RBM20: variants seen among roughly 807,000 people sequenced by gnomAD.
RBM20 encodes the protein RNA-binding protein 20.
Under a neutral mutation model 110.1 loss-of-function variants are expected in RBM20, and 51 were observed. The observed-to-expected ratio is 0.46, with a 90% CI of 0.37 to 0.59. The LOEUF is 0.59. RBM20 is among the 20% of genes least tolerant of loss of function. The pLI, the probability that RBM20 is intolerant of heterozygous loss-of-function variation, is 0.00. For missense variants in RBM20, 1,512 were observed against 1,574.9 expected (o/e 0.96, Z 0.68); for synonymous variants, 589 against 618.2 (o/e 0.95, Z 0.70).
chr10:110,814,747 G>A (rs372551489), intron 9 of RBM20, among the ~76,000 whole-genome samples: 149 of 152,276 alleles, frequency 9.8e-4, no homozygotes, highest in Middle Eastern at 6.8e-3. Flanking sequence ...TCCTGCCTTG[G>A]CCTCCCAAAG....
chr10:110,801,513 G>A (rs1844623437), intron 7 of RBM20, among the ~76,000 whole-genome samples: 2 of 152,116 alleles, frequency 1.3e-5, no homozygotes, highest in South Asian at 4.2e-4. Flanking sequence ...TGTCGTGGGA[G>A]AGTATCATGG....
intron 1 of RBM20, among the ~76,000 whole-genome samples, chr10:110,727,526 T>C (rs934669511): frequency 2.0e-5 from 3 of 152,166 alleles, no homozygotes; most frequent in Admixed American, 6.5e-5. Flanking sequence ...CTATTCTGTT[T>C]TAGTTGTCTG....
At chr10:110,737,732 T>TA (rs1843687122) in intron 1 of RBM20, among the ~76,000 whole-genome samples, 1 of 152,118 alleles carries the variant, frequency 6.6e-6, no homozygotes, top group South Asian at 2.1e-4. Flanking sequence ...TTGTAGCAAA[T>TA]AATTATACCT....
At chr10:110,751,161 A>T (rs1843848494) in intron 1 of RBM20, among the ~76,000 whole-genome samples, 1 of 152,192 alleles carries the variant, frequency 6.6e-6, no homozygotes. Context: ...CCATCATCTT[A>T]AGTAATTTGT....
At chr10:110,758,660 T>C (rs931034809) in intron 1 of RBM20, among the ~76,000 whole-genome samples, 1 of 152,182 alleles carries the variant, frequency 6.6e-6, no homozygotes, top group African/African-American at 2.4e-5. Flanking sequence ...ATATGTGCTG[T>C]CTAGCATGAT....
intron 1 of RBM20, among the ~76,000 whole-genome samples, chr10:110,700,711 G>A (rs775411853): frequency 1.3e-5 from 2 of 152,096 alleles, no homozygotes; most frequent in African/African-American, 4.8e-5. Flanking sequence ...AATGGGATGG[G>A]CAACAAATAA....
chr10:110,767,235 C>T (rs565307048), intron 1 of RBM20, among the ~76,000 whole-genome samples: 32 of 139,442 alleles, frequency 2.3e-4, no homozygotes, highest in African/African-American at 7.6e-4. Context: ...ACCTCCCTCC[C>T]GGACGGGGTG....
At chr10:110,815,246 AC>A (rs1434146376) in intron 9 of RBM20, among the ~76,000 whole-genome samples, 5 of 152,364 alleles carry the variant, frequency 3.3e-5, no homozygotes, top group African/African-American at 9.6e-5. Flanking sequence ...AAAGGTGCAG[AC>A]TTCTATAGAA....
At chr10:110,671,660 C>T (rs751354890) in intron 1 of RBM20, among the ~76,000 whole-genome samples, 3 of 151,882 alleles carry the variant, frequency 2.0e-5, no homozygotes, top group East Asian at 1.9e-4. Context: ...ATTGTGCGCT[C>T]GTGAAACAAA....
chr10:110,711,315 G>C (rs935434750), intron 1 of RBM20, among the ~76,000 whole-genome samples: 1 of 120,422 alleles, frequency 8.3e-6, no homozygotes, highest in South Asian at 3.1e-4. Context: ...GGGAGACAGA[G>C]TGAGACTCCA....
chr10:110,653,307 C>T lies in RBM20; in HGVS notation c.191+8662C>T, dbSNP rs560541413. On this transcript the variant is annotated intron_variant, in intron 1 of 13. Coordinates refer to ENST00000369519, the MANE Select transcript of RBM20 (RefSeq NM_001134363.3). Reference sequence around the variant, plus strand: ...GTTTCAACCAAGGATATAATTTGGACTGTATTTTTAAAAAGTAAACCTTGC... The same window carrying T: ...GTTTCAACCAAGGATATAATTTGGATTGTATTTTTAAAAAGTAAACCTTGC... Among the ~76,000 whole-genome samples the T allele has an allele frequency of 6.6e-5, 10 of 152,290 alleles. No individual in the cohort carries two copies. The South Asian group carries it at 8.3e-4, about 13-fold the overall frequency.
chr10:110,756,392 A>G (rs1843921324), intron 1 of RBM20: 1 of 152,262 alleles, frequency 6.6e-6, no homozygotes, highest in African/African-American at 2.4e-5. Context: ...GTCTTTTCCT[A>G]TACAGAGAAC....
intron 1 of RBM20, among the ~76,000 whole-genome samples, chr10:110,773,818 T>C (rs895596825): frequency 2.0e-5 from 3 of 152,160 alleles, no homozygotes; most frequent in Admixed American, 1.3e-4. Context: ...AGCTGCCCCA[T>C]TGTGACTGCA....
intron 12 of RBM20, among the ~76,000 whole-genome samples, chr10:110,830,458 AAAAG>A (rs1350999178): frequency 2.0e-5 from 3 of 152,224 alleles, no homozygotes; most frequent in African/African-American, 7.2e-5. Flanking sequence ...TTTCACGAAA[AAAAG>A]AGGACAGAGA....
In RBM20 at chr10:110,812,457, A is replaced by G. The variant is rs1051836531; in HGVS notation, c.2060A>G (p.Glu687Gly). Residue 687 changes from glutamate to glycine, a missense_variant, in exon 9 of 14, where the codon GAG (glutamate) becomes GGG (glycine). By Grantham distance (98) the Glu-to-Gly change is moderately conservative. Around this residue, in one of 3 missense-constraint regions of RBM20, gnomAD observed 1,149 missense variants for 1,169.4 expected, o/e 0.98. Coordinates refer to ENST00000369519, the MANE Select transcript of RBM20 (RefSeq NM_001134363.3). ...EHSPYARREEERDPAPWRDNG... is the reference protein window; with the variant it reads ...EHSPYARREEGRDPAPWRDNG... ...TCTCCCTATGCCAGGAGGGAGGAAG[A>G]GCGAGACCCGGCTCCCTGGAGGGAC... The G allele has an allele frequency of 1.1e-5, 17 of 1,551,644 alleles. No individual in the cohort carries two copies. Among genetic ancestry groups the G allele is most frequent in the Non-Finnish European group, 1.4e-5 (16 of 1,146,974 alleles).
chr10:110,737,177 C>CAAAAAAAAAAAAAA (rs550138775), intron 1 of RBM20, among the ~76,000 whole-genome samples: 12 of 26,612 alleles, frequency 4.5e-4, no homozygotes, highest in African/African-American at 1.3e-3. Context: ...AACTCTGCCT[C>CAAAAAAAAAAAAAA]AAAAAAAAAA....
rs1844598396 is a variant in RBM20 at position 110,799,817 on chromosome 10, G to A, written c.1699G>A (p.Ala567Thr). ...AFLEMAYTEA[A>T]QAMVQYYQEK... ...TTTAGAGATGGCTTACACAGAAGCTGCACAGGCCATGGTCCAGTATTATCA... is the reference window on the plus strand; with the variant it reads ...TTTAGAGATGGCTTACACAGAAGCTACACAGGCCATGGTCCAGTATTATCA... Residue 567 changes from alanine (A) to threonine (T), a missense_variant, in exon 7 of 14, where the codon GCA becomes ACA. Ala to Thr is a moderately conservative substitution (Grantham distance 58). Around this residue, in one of 3 missense-constraint regions of RBM20, gnomAD observed 1,149 missense variants for 1,169.4 expected, o/e 0.98. Coordinates refer to ENST00000369519, the MANE Select transcript of RBM20 (RefSeq NM_001134363.3). The A allele has an allele frequency of 5.2e-6, 8 of 1,551,428 alleles. No homozygotes were observed. Among genetic ancestry groups the A allele is most frequent in the Non-Finnish European group, 7.0e-6 (8 of 1,146,676 alleles).
intron 12 of RBM20, among the ~76,000 whole-genome samples, chr10:110,824,477 A>G (rs1265084971): frequency 6.6e-6 from 1 of 152,136 alleles, no homozygotes; most frequent in East Asian, 1.9e-4. Flanking sequence ...CTTCCTACTT[A>G]TGGGTGACTG....
At chr10:110,672,298 C>A (rs747320788) in intron 1 of RBM20, among the ~76,000 whole-genome samples, 22 of 152,200 alleles carry the variant, frequency 1.4e-4, no homozygotes, top group Non-Finnish European at 2.2e-4. Context: ...ATGGCTCCCT[C>A]GGCTTTCCCC....
Sources: gnomAD v4.1 joint callset for allele counts (sites outside exome capture counted in the v4.1 genomes callset) on GRCh38, gnomAD v4.1.1 for gene constraint, gnomAD v4.1.1 regional missense constraint, MANE v1.5 for transcripts, NCBI Gene and HGNC (gene_info 2026-07-23, HGNC 2026-07-21) for gene names.